Variants in HDAC9 observed in about 807,000 individuals in gnomAD.
HDAC9 encodes the protein MEF-2 interacting transcription repressor (MITR) protein.
HDAC9 carries 41 observed loss-of-function variants against 139.4 expected under a neutral mutation model. That is an observed-to-expected ratio of 0.29 (90% CI 0.23 to 0.38). The LOEUF (loss-of-function observed/expected upper bound fraction) is 0.38, where lower values mean the gene tolerates loss of function less well. HDAC9 is among the 10% of genes least tolerant of loss of function. HDAC9 has a pLI of 1.00. For synonymous variants in HDAC9, 517 were observed against 476.2 expected, an observed-to-expected ratio of 1.09 and a Z score of -1.12; for missense variants, 1,147 against 1,297.0, an observed-to-expected ratio of 0.88 and a Z score of 1.78.
intron 12 of HDAC9, among the ~76,000 whole-genome samples, chr7:18,686,621 T>C (rs1394111216): frequency 6.6e-6 from 1 of 151,960 alleles, no homozygotes; most frequent in African/African-American, 2.4e-5. Context: ...CCTCTTAGAA[T>C]ATCTAGAGAA....
chr7:18,944,479 T>C (rs1273431243), intron 23 of HDAC9, among the ~76,000 whole-genome samples: 1 of 152,216 alleles, frequency 6.6e-6, no homozygotes, highest in Non-Finnish European at 1.5e-5. Flanking sequence ...ACTCAAGATC[T>C]AGACTTTGTT....
At chr7:18,753,705 C>A (rs1322394143) in intron 14 of HDAC9, among the ~76,000 whole-genome samples, 1 of 152,058 alleles carries the variant, frequency 6.6e-6, no homozygotes, top group Non-Finnish European at 1.5e-5. Flanking sequence ...GCAAATTAAT[C>A]AAAATGTATT....
chr7:18,924,783 T>C (rs1052897371), intron 22 of HDAC9, among the ~76,000 whole-genome samples: 20 of 152,290 alleles, frequency 1.3e-4, no homozygotes, highest in African/African-American at 4.6e-4. Context: ...TCAGGTACTA[T>C]GCTAGTTGAA....
intron 2 of HDAC9, among the ~76,000 whole-genome samples, chr7:18,576,489 C>T (rs965616787): frequency 6.6e-5 from 10 of 151,836 alleles, no homozygotes; most frequent in Admixed American, 3.3e-4. Context: ...TAGTAAAACC[C>T]CATCTCCACT....
intron 6 of HDAC9, among the ~76,000 whole-genome samples, chr7:18,609,668 A>G (rs1836542417): frequency 6.6e-6 from 1 of 152,122 alleles, no homozygotes; most frequent in Non-Finnish European, 1.5e-5. Context: ...TGTAGGGTAC[A>G]TGTGCACAAC....
chr7:18,216,308 T>G (rs556339257), intron 2 of HDAC9, among the ~76,000 whole-genome samples: 1 of 152,322 alleles, frequency 6.6e-6, no homozygotes, highest in Non-Finnish European at 1.5e-5. Context: ...CACTGAAATC[T>G]CTTATTTTTA....
chr7:18,618,085 C>T (rs1205171736), intron 6 of HDAC9, among the ~76,000 whole-genome samples: 3 of 151,926 alleles, frequency 2.0e-5, no homozygotes, highest in Admixed American at 2.0e-4. Flanking sequence ...TGGGAATTGG[C>T]TAAAAATTTT....
chr7:18,586,063 T>C (rs1829382209), intron 3 of HDAC9, among the ~76,000 whole-genome samples: 1 of 152,186 alleles, frequency 6.6e-6, no homozygotes, highest in South Asian at 2.1e-4. Flanking sequence ...AAGGGAGTTA[T>C]AAATGGAGAA....
At chr7:18,212,427 C>G (rs918067272) in intron 2 of HDAC9, among the ~76,000 whole-genome samples, 2 of 152,150 alleles carry the variant, frequency 1.3e-5, no homozygotes. Flanking sequence ...TTAATATTAG[C>G]TCAGGCTCTG....
chr7:18,511,268 A>G (rs868389784), intron 2 of HDAC9, among the ~76,000 whole-genome samples: 27 of 152,322 alleles, frequency 1.8e-4, no homozygotes, highest in Middle Eastern at 3.4e-3. Flanking sequence ...GTCTCTCACT[A>G]TTTATTATCC....
chr7:18,666,069 C>T (rs1794780718), intron 11 of HDAC9, 144 bp from the exon 12 acceptor site: 2 of 842,552 alleles, frequency 2.4e-6, no homozygotes, highest in South Asian at 3.8e-5. Flanking sequence ...ACTGAGGAAA[C>T]TTGTTGCCTA....
chr7:18,265,621 TTAAA>T (rs145596359), intron 2 of HDAC9, among the ~76,000 whole-genome samples: 58,557 of 151,476 alleles, frequency 0.39, 12,750 homozygotes, highest in Admixed American at 0.51. Flanking sequence ...TTAAAGGTAT[TTAAA>T]TAAATAAATA....
chr7:18,324,091 G>A (rs1196979671), intron 1 of HDAC9, among the ~76,000 whole-genome samples: 1 of 151,930 alleles, frequency 6.6e-6, no homozygotes, highest in Non-Finnish European at 1.5e-5. Context: ...TCACACTGGG[G>A]ATGAAGCTTC....
Position 18,786,615 on chromosome 7 carries a change from T to TTCCTTCCCTCCC in HDAC9, c.2215-6727_2215-6726insTTCCCTCCCTCC, listed in dbSNP as rs1243651492. On this transcript the variant is annotated intron_variant, in intron 16 of 25. Transcript: ENST00000686413. Reference sequence around the variant, plus strand: ...CTTCCTTCCTTCCTTCCTTCCTTCCTTCCCTCCCTCCCTCCTTCCTTCCTT... The same window carrying TTCCTTCCCTCCC: ...CTTCCTTCCTTCCTTCCTTCCTTCCTTCCTTCCCTCCCTCCCTCCCTCCCTCCTTCCTTCCTT... Among the ~76,000 whole-genome samples, 21 of 32,510 alleles carry TTCCTTCCCTCCC rather than the reference T, an allele frequency of 6.5e-4. 1 individual carries two copies. Among genetic ancestry groups the TTCCTTCCCTCCC allele is most frequent in the South Asian group, 1.6e-3 (1 of 620 alleles). 21.3% of individuals were successfully genotyped at this position (32,510 alleles called of 152,430 possible).
intron 1 of HDAC9, among the ~76,000 whole-genome samples, chr7:18,458,605 A>G (rs1429269680): frequency 1.3e-5 from 2 of 152,214 alleles, no homozygotes; most frequent in African/African-American, 4.8e-5. Context: ...TAACTGATGA[A>G]TTTTGGTTTC....
intron 22 of HDAC9, among the ~76,000 whole-genome samples, chr7:18,879,308 T>G (rs1476863832): frequency 6.6e-6 from 1 of 152,130 alleles, no homozygotes; most frequent in Non-Finnish European, 1.5e-5. Context: ...AGAAGAAAAC[T>G]ATTTTAAAAT....
At chr7:18,671,397 C>T (rs532396082) in intron 12 of HDAC9, among the ~76,000 whole-genome samples, 33 of 152,026 alleles carry the variant, frequency 2.2e-4, no homozygotes, top group Admixed American at 1.6e-3. Context: ...TTGAAGAGTC[C>T]GATTCAGAAA....
chr7:18,786,649 CCT>C, intron 16 of HDAC9, among the ~76,000 whole-genome samples: 1 of 121,532 alleles, frequency 8.2e-6, no homozygotes, highest in African/African-American at 3.3e-5. Context: ...TTTCTTCCCT[CCT>C]TCTTTCCTCC....
chr7:18,254,387 A>G (rs911177180), intron 2 of HDAC9, among the ~76,000 whole-genome samples: 7 of 152,216 alleles, frequency 4.6e-5, no homozygotes, highest in African/African-American at 1.4e-4. Flanking sequence ...TAATGCTAAT[A>G]TATGTTTTCA....
Sources: gnomAD v4.1 joint callset for allele counts (sites outside exome capture counted in the v4.1 genomes callset) on GRCh38, gnomAD v4.1.1 for gene constraint, MANE v1.5 for transcripts, NCBI Gene and HGNC (gene_info 2026-07-23, HGNC 2026-07-21) for gene names.